The following MAP3K5 variants were observed in gnomAD, a reference collection of about 807,000 sequenced individuals.
MAP3K5 encodes ASK-1.
MAP3K5 carries 56 observed loss-of-function variants against 158.7 expected under a neutral mutation model. That is an observed-to-expected ratio of 0.35 (90% confidence interval 0.28 to 0.44). The LOEUF is 0.44. Among genes scored for constraint, MAP3K5 ranks in the 20% least tolerant of loss-of-function variants. The probability of loss-of-function intolerance (pLI) is 1.00; values close to 1 mark genes in which losing one functional copy is unlikely to be tolerated. For synonymous variants in MAP3K5, 579 were observed against 601.7 expected, an observed-to-expected ratio of 0.96 and a Z score of 0.55; for missense variants, 1,294 against 1,674.8, an observed-to-expected ratio of 0.77 and a Z score of 3.97.
intron 2 of MAP3K5, among the ~76,000 whole-genome samples, chr6:136,707,291 T>C (rs1445738391): frequency 6.6e-6 from 1 of 152,236 alleles, no homozygotes; most frequent in Non-Finnish European, 1.5e-5. Context: ...GTAAAAAGAA[T>C]GACAGAGACA....
intron 14 of MAP3K5, chr6:136,629,414 A>G (rs1244778856): frequency 1.3e-5 from 2 of 152,134 alleles, no homozygotes; most frequent in Non-Finnish European, 2.9e-5. Context: ...AGGTACAAAT[A>G]TCTAGTGTGA....
At chr6:136,576,139 C>T (rs1327657893) in intron 25 of MAP3K5, among the ~76,000 whole-genome samples, 5 of 152,032 alleles carry the variant, frequency 3.3e-5, no homozygotes, top group African/African-American at 4.8e-5. Flanking sequence ...TATGGACTCA[C>T]GGATGCTTAT....
In MAP3K5 at chr6:136,592,866, G is replaced by A. The variant is rs959861457; in HGVS notation, c.2879-252C>T. The A allele has an allele frequency of 5.5e-6, 3 of 548,360 alleles. No individual in the cohort carries two copies. The Admixed American group carries it at 6.7e-5, about 12-fold the overall frequency. 34.0% of individuals were successfully genotyped at this position (548,360 alleles called of 1,614,324 possible). A position where few individuals can be genotyped will look rare whatever the true frequency, so the allele number is the denominator to read the frequency against. On this transcript the variant is annotated intron_variant, in intron 21 of 29. Coordinates refer to ENST00000359015, the MANE Select transcript of MAP3K5 (RefSeq NM_005923.4). ...ATCTCTGGGGTACCAAAACAGTCAA[G>A]GAAGCCCAAGTTCAGTGGGTCTACT...
intron 10 of MAP3K5, among the ~76,000 whole-genome samples, chr6:136,653,988 A>G (rs1253376536): frequency 6.6e-6 from 1 of 152,200 alleles, no homozygotes; most frequent in Non-Finnish European, 1.5e-5. Context: ...GAGTCTTGTC[A>G]CAAAAAGACA....
At chr6:136,721,084 C>G (rs577929354) in intron 1 of MAP3K5, among the ~76,000 whole-genome samples, 3 of 152,090 alleles carry the variant, frequency 2.0e-5, no homozygotes, top group Admixed American at 2.0e-4. Context: ...TGGCCCAAAC[C>G]TGCATTTTTT....
At chr6:136,644,478 T>A (rs11965375) in intron 11 of MAP3K5, among the ~76,000 whole-genome samples, 4,005 of 152,252 alleles carry the variant, frequency 0.026, 179 homozygotes, top group African/African-American at 0.092. Context: ...CCTAATTTAA[T>A]CAGCACAAGC....
chr6:136,791,790 A>G lies in MAP3K5; in HGVS notation c.368T>C (p.Val123Ala). 1.2e-6 allele frequency: 2 copies of G among 1,613,640 alleles called. No homozygotes were observed. The highest frequency in any genetic ancestry group is 1.1e-5 in the South Asian group (1 of 91,084). ...LQSLREACET[V>A]GATLETLHFG... ...ATGCAGGGTTTCCAGGGTGGCGCCC[A>G]CTGTCTCGCACGCCTCCCGCAAGCT... is the stretch of plus-strand genomic sequence containing the variant. The change falls in exon 1 of 30, where the codon GTG becomes GCG. Residue 123 changes from valine to alanine, a missense_variant. Val to Ala is a moderately conservative substitution (Grantham distance 64). Transcript: ENST00000359015.
At chr6:136,730,708 T>G (rs1582600032) in intron 1 of MAP3K5, among the ~76,000 whole-genome samples, 5 of 115,876 alleles carry the variant, frequency 4.3e-5, no homozygotes, top group Admixed American at 3.3e-4. Context: ...GGAGATAGAG[T>G]GAAACTCTGC....
At chr6:136,727,112 A>T (rs1179241670) in intron 1 of MAP3K5, among the ~76,000 whole-genome samples, 2 of 152,348 alleles carry the variant, frequency 1.3e-5, no homozygotes, top group East Asian at 3.9e-4. Context: ...CAAAAGTAGT[A>T]AAATAAACAG....
At chr6:136,752,040 G>A (rs918794820) in intron 1 of MAP3K5, among the ~76,000 whole-genome samples, 1 of 152,038 alleles carries the variant, frequency 6.6e-6, no homozygotes, top group Non-Finnish European at 1.5e-5. Flanking sequence ...GTGCTTCAGA[G>A]TTCAAAAAAA....
intron 1 of MAP3K5, among the ~76,000 whole-genome samples, chr6:136,736,490 A>C (rs1236579947): frequency 1.3e-5 from 2 of 152,158 alleles, no homozygotes; most frequent in Admixed American, 6.5e-5. Context: ...CAATCCATTT[A>C]AGGGGGTTTG....
intron 1 of MAP3K5, among the ~76,000 whole-genome samples, chr6:136,778,455 A>G (rs2115030303): frequency 6.6e-6 from 1 of 152,300 alleles, no homozygotes; most frequent in Middle Eastern, 3.4e-3. Context: ...ATAATCTTGC[A>G]TGTTGTAGGC....
At chr6:136,610,591 G>A (rs1204047058) in intron 18 of MAP3K5, among the ~76,000 whole-genome samples, 21 of 123,264 alleles carry the variant, frequency 1.7e-4, no homozygotes, top group Admixed American at 1.2e-3. Context: ...CCAAGGAAAT[G>A]TTTAATAAAA....
At chr6:136,755,822 CATT>C (rs1783453923) in intron 1 of MAP3K5, among the ~76,000 whole-genome samples, 1 of 151,954 alleles carries the variant, frequency 6.6e-6, no homozygotes, top group African/African-American at 2.4e-5. Flanking sequence ...AGAAGGCACT[CATT>C]AGATGAACAG....
At chr6:136,760,729 G>T (rs1266802611) in intron 1 of MAP3K5, among the ~76,000 whole-genome samples, 1 of 152,152 alleles carries the variant, frequency 6.6e-6, no homozygotes, top group Non-Finnish European at 1.5e-5. Flanking sequence ...CAGCACTTTG[G>T]GAGGCTGAGG....
At chr6:136,720,667 T>C (rs1781711890) in intron 1 of MAP3K5, 78 bp from the exon 2 acceptor site, 1 of 1,072,704 alleles carries the variant, frequency 9.3e-7, no homozygotes, top group Admixed American at 2.5e-5. Flanking sequence ...TTGAATTATC[T>C]TAGTATTCAA....
chr6:136,637,556 T>C (rs2129105964), intron 13 of MAP3K5, 150 bp from the exon 14 acceptor site: 1 of 508,774 alleles, frequency 2.0e-6, no homozygotes, highest in South Asian at 3.4e-5. Flanking sequence ...ATGTGAAAAA[T>C]ACAATTTTTC....
At chr6:136,571,173 C>T (rs1160449915) in intron 25 of MAP3K5, among the ~76,000 whole-genome samples, 1 of 152,218 alleles carries the variant, frequency 6.6e-6, no homozygotes, top group Non-Finnish European at 1.5e-5. Flanking sequence ...CTCAGCATCA[C>T]AGATGGCTAC....
intron 21 of MAP3K5, 41 bp downstream of exon 21, chr6:136,600,981 A>G (rs2277100): frequency 0.024 from 37,972 of 1,608,044 alleles, 1,404 homozygotes; most frequent in African/African-American, 0.14. Context: ...CACACCAGAC[A>G]CCAGGTCTCA....
Sources: gnomAD v4.1 joint callset for allele counts (sites outside exome capture counted in the v4.1 genomes callset) on GRCh38, gnomAD v4.1.1 for gene constraint, MANE v1.5 for transcripts, NCBI Gene and HGNC (gene_info 2026-07-23, HGNC 2026-07-21) for gene names.